Variants in PLCE1 observed in about 807,000 individuals in gnomAD.
PLCE1 encodes the protein 1-phosphatidylinositol 4,5-bisphosphate phosphodiesterase epsilon-1.
PLCE1 carries 119 observed loss-of-function variants against 242.8 expected under a neutral mutation model. The ratio of observed to expected loss-of-function variants is 0.49; its 90% CI spans 0.42 to 0.57. The LOEUF (loss-of-function observed/expected upper bound fraction) is 0.57, where lower values mean the gene tolerates loss of function less well. Ranked by LOEUF, PLCE1 falls within the 20% of genes least tolerant of loss-of-function variation. PLCE1 has a pLI of 0.00. For synonymous variants in PLCE1, 945 were observed against 1,017.4 expected (o/e 0.93, Z 1.35); for missense variants, 2,441 against 2,788.8 (o/e 0.88, Z 2.81).
At chr10:94,047,503 A>C (rs903028063) in intron 2 of PLCE1, among the ~76,000 whole-genome samples, 2 of 152,186 alleles carry the variant, frequency 1.3e-5, no homozygotes, top group African/African-American at 2.4e-5. Context: ...GACTTCACAT[A>C]AAATTTAAAG....
chr10:94,282,832 G>A (rs189355805), intron 20 of PLCE1, among the ~76,000 whole-genome samples: 47 of 152,244 alleles, frequency 3.1e-4, no homozygotes, highest in Non-Finnish European at 5.1e-4. Context: ...CGGTCAGGAA[G>A]GTAAATGCCA....
intron 29 of PLCE1, among the ~76,000 whole-genome samples, chr10:94,317,743 T>C (rs6583936): frequency 1 from 151,706 of 151,748 alleles, 75,832 homozygotes; most frequent in Middle Eastern, 1. Flanking sequence ...CTTTTTTTTT[T>C]CCCTGAATTA....
At chr10:94,264,512 A>AC (rs2051436834) in intron 14 of PLCE1, among the ~76,000 whole-genome samples, 3 of 73,082 alleles carry the variant, frequency 4.1e-5, no homozygotes, top group African/African-American at 1.5e-4. Flanking sequence ...ACATGATTTG[A>AC]TTTTTTTTTT....
At chr10:94,133,117 T>C (rs913132894) in intron 3 of PLCE1, among the ~76,000 whole-genome samples, 1 of 152,048 alleles carries the variant, frequency 6.6e-6, no homozygotes, top group Admixed American at 6.6e-5. Flanking sequence ...ACAAATATAG[T>C]CAAGCAGTCA....
chr10:94,254,845 A>G (rs1399514703), intron 10 of PLCE1, 48 bp from the exon 11 acceptor site: 1 of 1,601,762 alleles, frequency 6.2e-7, no homozygotes, highest in Admixed American at 1.7e-5. Context: ...GTTCTGAGGG[A>G]AAGTATAATC....
At chr10:94,186,720 T>G (rs929361442) in intron 4 of PLCE1, among the ~76,000 whole-genome samples, 2 of 152,240 alleles carry the variant, frequency 1.3e-5, no homozygotes, top group Non-Finnish European at 2.9e-5. Context: ...TTCTCCATTT[T>G]GTGTCTCCTC....
rs538437231 is a variant in PLCE1, at chr10:94,316,726, G to A, written c.6312G>A (p.Met2104Ile). 5.6e-6 allele frequency: 9 copies of A among 1,613,930 alleles called. No individual in the cohort carries two copies. The African/African-American group carries it at 1.2e-4, about 22-fold the overall frequency. The change falls in exon 29 of 33, where the codon ATG becomes ATA. Residue 2104 changes from methionine to isoleucine, a missense_variant. Met to Ile is a conservative substitution (Grantham distance 10, BLOSUM62 1). Around this residue, in one of 5 missense-constraint regions of PLCE1, gnomAD observed 310 missense variants for 317.2 expected, o/e 0.98. Transcript: ENST00000371380. ...LSSWFPEEGY[M>I]GRIVLKTQQE... ...GCTGGTTTCCAGAAGAGGGATACATGGGCAGGATTGTCTTAAAAACCCAGC... is the reference window on the plus strand; with the variant it reads ...GCTGGTTTCCAGAAGAGGGATACATAGGCAGGATTGTCTTAAAAACCCAGC...
intron 32 of PLCE1, 111 bp from the exon 33 acceptor site, chr10:94,327,857 A>T: frequency 2.7e-6 from 1 of 371,832 alleles, no homozygotes; most frequent in South Asian, 2.3e-5. Flanking sequence ...CTCTTCCCCA[A>T]ACCTAGCCAC....
intron 1 of PLCE1, among the ~76,000 whole-genome samples, chr10:94,004,294 C>T (rs1425856733): frequency 2.0e-5 from 3 of 152,092 alleles, no homozygotes; most frequent in Admixed American, 1.3e-4. Context: ...TGGAGTAAAA[C>T]ATTAAATAGC....
At chr10:94,262,455 TG>T in intron 13 of PLCE1, 38 bp from the exon 14 acceptor site, 1 of 1,354,354 alleles carries the variant, frequency 7.4e-7, no homozygotes, top group Non-Finnish European at 1.1e-6. Flanking sequence ...CAAAAGATGC[TG>T]GCTATCTTGT....
chr10:94,141,785 T>C (rs1424410405), intron 3 of PLCE1, among the ~76,000 whole-genome samples: 1 of 152,224 alleles, frequency 6.6e-6, no homozygotes, highest in African/African-American at 2.4e-5. Context: ...GTCAGAAAGA[T>C]GACTGGTGAG....
At chr10:94,235,104 T>C (rs2050275342) in intron 6 of PLCE1, among the ~76,000 whole-genome samples, 1 of 67,210 alleles carries the variant, frequency 1.5e-5, no homozygotes, top group African/African-American at 6.6e-5. Flanking sequence ...ACACACAGAG[T>C]CATGTACATG....
At chr10:94,015,826 A>G (rs1467739572) in intron 1 of PLCE1, among the ~76,000 whole-genome samples, 1 of 152,184 alleles carries the variant, frequency 6.6e-6, no homozygotes, top group Non-Finnish European at 1.5e-5. Context: ...ACCCAGCTCT[A>G]TTTGGCCGAA....
intron 1 of PLCE1, among the ~76,000 whole-genome samples, chr10:94,029,335 A>G (rs2061511353): frequency 6.6e-6 from 1 of 152,182 alleles, no homozygotes; most frequent in Admixed American, 6.5e-5. Flanking sequence ...AAAATTATCT[A>G]TATAATCTTG....
chr10:94,240,630 C>G (rs1031218492), intron 7 of PLCE1, among the ~76,000 whole-genome samples: 4 of 152,014 alleles, frequency 2.6e-5, no homozygotes, highest in Non-Finnish European at 5.9e-5. Context: ...GTTAAATTGG[C>G]AGGAAGCAAA....
At chr10:94,252,561 T>A (rs2050917813) in intron 9 of PLCE1, 63 bp downstream of exon 9, 1 of 1,388,596 alleles carries the variant, frequency 7.2e-7, no homozygotes, top group Non-Finnish European at 1.0e-6. Flanking sequence ...ATGGTGAACA[T>A]CACCATAAAA....
At position 94,071,495 on chromosome 10, in the gene PLCE1, G is replaced by GTTTTTTTTT. The variant is rs559496577; in HGVS notation, c.1206+39256_1206+39264dup. Among the ~76,000 whole-genome samples the GTTTTTTTTT allele has an allele frequency of 6.3e-3, 527 of 83,296 alleles. 108 individuals are homozygous for GTTTTTTTTT. Among genetic ancestry groups the GTTTTTTTTT allele is most frequent in the African/African-American group, 0.022 (405 of 18,656 alleles). 54.6% of individuals were successfully genotyped at this position (83,296 alleles called of 152,430 possible). A position where few individuals can be genotyped will look rare whatever the true frequency, so the allele number is the denominator to read the frequency against. On this transcript the variant is annotated intron_variant, in intron 2 of 32. Coordinates refer to ENST00000371380, the MANE Select transcript of PLCE1 (RefSeq NM_016341.4). ...GTCTGTGTGTGTGTGTTTGGTTTTCGTTTTTTTTTTTTTTTTTTTTTGAGT... is the reference window on the plus strand; with the variant it reads ...GTCTGTGTGTGTGTGTTTGGTTTTCGTTTTTTTTTTTTTTTTTTTTTTTTTTTTTTGAGT...
Position 94,265,783 on chromosome 10 carries a change from T to C in PLCE1, c.4116-10T>C, listed in dbSNP as rs1180833178. On this transcript the variant is annotated splice_polypyrimidine_tract_variant and intron_variant, in intron 15 of 32. Coordinates refer to ENST00000371380, the MANE Select transcript of PLCE1 (RefSeq NM_016341.4). The stretch of plus-strand genomic sequence containing the variant: ...TCCCATGCAGTCTTAAGAAAATTTG[T>C]TTCACCTAGGTTTCTGATGGATAAA... 4.3e-6 allele frequency: 7 copies of C among 1,614,086 alleles called. No individual in the cohort carries two copies. Among genetic ancestry groups the C allele is most frequent in the Non-Finnish European group, 5.9e-6 (7 of 1,179,956 alleles).
At position 94,221,985 on chromosome 10, in the gene PLCE1, C is replaced by T. The variant is rs527683629; in HGVS notation, c.1810-5321C>T. ...GTTCAGGCCTTTTCCCAAATATAAT[C>T]CCTGAGCGTTTGGAAGCTGAGAATC... On this transcript the variant is annotated intron_variant, in intron 4 of 32. Transcript: ENST00000371380. 7.3e-4 allele frequency among the ~76,000 whole-genome samples: 111 copies of T among 152,230 alleles called. 2 individuals are homozygous for T. In the South Asian group the frequency reaches 0.023, roughly 32 times the overall value.
Sources: gnomAD v4.1 joint callset for allele counts (sites outside exome capture counted in the v4.1 genomes callset) on GRCh38, gnomAD v4.1.1 for gene constraint, gnomAD v4.1.1 regional missense constraint, MANE v1.5 for transcripts, NCBI Gene and HGNC (gene_info 2026-07-23, HGNC 2026-07-21) for gene names.